HPSE2: variants seen among roughly 807,000 people sequenced by gnomAD.
HPSE2 encodes inactive heparanase-2.
A neutral mutation model predicts 60.5 loss-of-function variants in HPSE2; 38 were observed. That is an observed-to-expected ratio of 0.63 (90% CI 0.48 to 0.82). HPSE2 has a LOEUF of 0.82. Among genes scored for constraint, HPSE2 ranks in the 40% least tolerant of loss-of-function variants. The pLI is 0.00. For synonymous variants in HPSE2, 295 were observed against 293.2 expected, an observed-to-expected ratio of 1.01 and a Z score of -0.06; for missense variants, 713 against 740.4, an observed-to-expected ratio of 0.96 and a Z score of 0.43.
intron 11 of HPSE2, among the ~76,000 whole-genome samples, chr10:98,474,648 A>G (rs888264354): frequency 1.6e-4 from 24 of 151,554 alleles, no homozygotes; most frequent in African/African-American, 5.6e-4. Flanking sequence ...TGGAAAAAGG[A>G]AAAAAAAAGA....
At position 98,461,436 on chromosome 10, in the gene HPSE2, C is replaced by T. The variant is rs75055404; in HGVS notation, c.1614-1697G>A. 3.5e-3 allele frequency among the ~76,000 whole-genome samples: 534 copies of T among 152,260 alleles called. 1 individual carries two copies. The highest frequency in any genetic ancestry group is 0.012 in the African/African-American group (501 of 41,540). ...TTGAGATCTGAAGGTCAGTGTTGAC[C>T]GCATCAGATATGCAAGGAGCTTTTG... On this transcript the variant is annotated intron_variant, in intron 11 of 11. Coordinates refer to ENST00000370552, the MANE Select transcript of HPSE2 (RefSeq NM_021828.5).
intron 3 of HPSE2, among the ~76,000 whole-genome samples, chr10:98,900,097 A>G (rs1953623623): frequency 6.6e-6 from 1 of 152,294 alleles, no homozygotes; most frequent in Non-Finnish European, 1.5e-5. Context: ...GACCAAAAGG[A>G]ATAAAAGCAT....
At chr10:99,095,701 T>C (rs1297643666) in intron 3 of HPSE2, among the ~76,000 whole-genome samples, 1 of 152,218 alleles carries the variant, frequency 6.6e-6, no homozygotes, top group Non-Finnish European at 1.5e-5. Flanking sequence ...GGTTCATCCA[T>C]GTTGTAGCAT....
At chr10:98,649,931 A>G (rs1297797088) in intron 6 of HPSE2, among the ~76,000 whole-genome samples, 1 of 152,174 alleles carries the variant, frequency 6.6e-6, no homozygotes, top group East Asian at 1.9e-4. Context: ...CATTCACCTG[A>G]GCTTGCTCCT....
At chr10:98,737,754 A>C (rs548609080) in intron 4 of HPSE2, among the ~76,000 whole-genome samples, 1 of 152,328 alleles carries the variant, frequency 6.6e-6, no homozygotes, top group African/African-American at 2.4e-5. Flanking sequence ...ACCACCTAGG[A>C]ATCCAACTTA....
chr10:99,212,019 A>G (rs954355227), intron 2 of HPSE2, among the ~76,000 whole-genome samples: 4 of 152,160 alleles, frequency 2.6e-5, no homozygotes, highest in African/African-American at 7.2e-5. Context: ...ATATTTTTAA[A>G]TGGGCAAAGT....
chr10:98,985,090 T>C (rs528338568), intron 3 of HPSE2, among the ~76,000 whole-genome samples: 1 of 152,130 alleles, frequency 6.6e-6, no homozygotes, highest in Non-Finnish European at 1.5e-5. Flanking sequence ...CAGGAGAATT[T>C]CCCCAATCTA....
At chr10:99,235,925 C>G (rs1459629156), upstream of HPSE2, 1 of 747,352 alleles carries the variant, frequency 1.3e-6, no homozygotes, top group South Asian at 1.5e-5. Flanking sequence ...CACCACCCCC[C>G]CAACACACAC....
intron 3 of HPSE2, among the ~76,000 whole-genome samples, chr10:98,750,755 G>A (rs1949740024): frequency 6.6e-6 from 1 of 152,104 alleles, no homozygotes; most frequent in Non-Finnish European, 1.5e-5. Flanking sequence ...GAAGAGAGAA[G>A]AAGGCCAAGA....
intron 6 of HPSE2, among the ~76,000 whole-genome samples, chr10:98,657,562 C>T (rs1947107711): frequency 6.6e-6 from 1 of 152,182 alleles, no homozygotes; most frequent in Non-Finnish European, 1.5e-5. Context: ...GTCTCGAACT[C>T]TTGACCTCAA....
chr10:98,741,396 AT>A (rs1036501528), intron 4 of HPSE2, among the ~76,000 whole-genome samples: 3 of 152,084 alleles, frequency 2.0e-5, no homozygotes, highest in East Asian at 1.9e-4. Flanking sequence ...TCTAAATAAC[AT>A]TTTTTTAAGT....
chr10:98,943,537 G>A (rs1955087051), intron 3 of HPSE2, among the ~76,000 whole-genome samples: 1 of 152,016 alleles, frequency 6.6e-6, no homozygotes, highest in Non-Finnish European at 1.5e-5. Flanking sequence ...TACTAGGAAG[G>A]TCTGTGTGAC....
chr10:99,027,820 G>A (rs1054542865), intron 3 of HPSE2, among the ~76,000 whole-genome samples: 2 of 151,982 alleles, frequency 1.3e-5, no homozygotes, highest in Non-Finnish European at 2.9e-5. Context: ...TGATCAAGTG[G>A]AATTTATCCC....
chr10:98,807,813 A>T (rs368479832), intron 3 of HPSE2, among the ~76,000 whole-genome samples: 2 of 152,236 alleles, frequency 1.3e-5, no homozygotes, highest in East Asian at 1.9e-4. Context: ...AAAGAAATAG[A>T]ATAAGCTCCA....
intron 2 of HPSE2, among the ~76,000 whole-genome samples, chr10:99,191,516 A>T (rs937375111): frequency 2.0e-5 from 3 of 152,210 alleles, no homozygotes; most frequent in Non-Finnish European, 4.4e-5. Flanking sequence ...CAAGACTCCC[A>T]AGGCAGTACC....
intron 3 of HPSE2, among the ~76,000 whole-genome samples, chr10:99,104,325 G>A (rs1422929808): frequency 6.6e-6 from 1 of 152,128 alleles, no homozygotes; most frequent in Admixed American, 6.5e-5. Flanking sequence ...GTGGGTGAAG[G>A]ATATGAATAG....
chr10:99,037,603 T>C (rs1223980364), intron 3 of HPSE2, among the ~76,000 whole-genome samples: 3 of 151,926 alleles, frequency 2.0e-5, no homozygotes, highest in Non-Finnish European at 4.4e-5. Context: ...ATTAATATAT[T>C]AGAATTGTGA....
chr10:98,966,407 G>A (rs1478658961), intron 3 of HPSE2, among the ~76,000 whole-genome samples: 2 of 152,208 alleles, frequency 1.3e-5, no homozygotes, highest in East Asian at 3.9e-4. Flanking sequence ...TAAGGTGGCA[G>A]AGAAGGAGAA....
At chr10:99,302,693 A>G in the HPSE2 span, among the ~76,000 whole-genome samples, 1 of 151,864 alleles carries the variant, frequency 6.6e-6, no homozygotes, top group Non-Finnish European at 1.5e-5. Context: ...ATGACTCCTC[A>G]CCTTTGGGAT....
Sources: gnomAD v4.1 joint callset for allele counts (sites outside exome capture counted in the v4.1 genomes callset) on GRCh38, gnomAD v4.1.1 for gene constraint, MANE v1.5 for transcripts, NCBI Gene and HGNC (gene_info 2026-07-23, HGNC 2026-07-21) for gene names.